The following CCNJL variants were observed in gnomAD, a reference collection of about 807,000 sequenced individuals.
CCNJL encodes the protein cyclin-J-like protein.
CCNJL carries 33 observed loss-of-function variants against 33.4 expected under a neutral mutation model. The observed-to-expected ratio is 0.99, with a 90% CI of 0.75 to 1.32. The LOEUF (loss-of-function observed/expected upper bound fraction) is 1.32. Among genes scored for constraint, CCNJL ranks in the 40% most tolerant of loss-of-function variants. The probability of loss-of-function intolerance (pLI) is 0.00; values close to 1 mark genes in which losing one functional copy is unlikely to be tolerated. For missense variants in CCNJL, 512 were observed against 499.7 expected (o/e 1.02, Z -0.23); for synonymous variants, 227 against 220.9 (o/e 1.03, Z -0.24).
intron 1 of CCNJL, among the ~76,000 whole-genome samples, chr5:160,333,741 C>T (rs192310270): frequency 8.3e-4 from 127 of 152,242 alleles, no homozygotes; most frequent in African/African-American, 3.0e-3. Flanking sequence ...CCCATCACCA[C>T]ACCCAAGCCA....
At chr5:160,258,554 A>T in intron 4 of CCNJL, 1 of 1,517,872 alleles carries the variant, frequency 6.6e-7, no homozygotes, top group Non-Finnish European at 9.1e-7. Flanking sequence ...GTTATTCGGG[A>T]AAGAAAAGAA....
At chr5:160,278,751 C>G (rs77708380) in intron 3 of CCNJL, among the ~76,000 whole-genome samples, 3,075 of 152,324 alleles carry the variant, frequency 0.02, 46 homozygotes, top group Non-Finnish European at 0.029. Flanking sequence ...CCCCTGCCCC[C>G]AGCGGGCCGC....
rs992009396 is a variant in CCNJL at position 160,249,970 on chromosome 5, G to T, written c.*3408C>A. The T allele has an allele frequency of 2.0e-5, 3 of 152,066 alleles. No individual in the cohort carries two copies. The highest frequency in any genetic ancestry group is 2.9e-5 in the Non-Finnish European group (2 of 68,006). 9.4% of individuals were successfully genotyped at this position (152,066 alleles called of 1,614,324 possible). A position where few individuals can be genotyped will look rare whatever the true frequency, so the allele number is the denominator to read the frequency against. On this transcript the variant is annotated 3_prime_UTR_variant, in exon 6 of 6. Coordinates refer to ENST00000257536, the MANE Select transcript of CCNJL (RefSeq NM_001308173.3). ...AGAGAAGGCTCCAGGTCATTCTGCA[G>T]CTTGCTCAGGCTTGAAAACCTCTGA...
At position 160,312,393 on chromosome 5, in the gene CCNJL, G is replaced by C. The variant is rs1763298261; in HGVS notation, c.-79C>G. 1 of 159,304 alleles carries C rather than the reference G, an allele frequency of 6.3e-6. No homozygotes were observed. Among genetic ancestry groups the C allele is most frequent in the Non-Finnish European group, 1.4e-5 (1 of 72,654 alleles). The allele number at this position is 159,304 out of a possible 1,614,324, so 9.9% of individuals were successfully genotyped here. On this transcript the variant is annotated 5_prime_UTR_variant, in exon 1 of 6. Transcript: ENST00000257536. ...CCTCTCTGGGCGTGGGGGGCTGCGAGCGCCGGGCCCCTCCCAGTGCCGAGC... is the reference window on the plus strand; with the variant it reads ...CCTCTCTGGGCGTGGGGGGCTGCGACCGCCGGGCCCCTCCCAGTGCCGAGC...
intron 3 of CCNJL, 92 bp downstream of exon 3, chr5:160,280,433 T>C: frequency 9.8e-7 from 1 of 1,019,844 alleles, no homozygotes; most frequent in Non-Finnish European, 1.5e-6. Flanking sequence ...CGTGCAAAGA[T>C]CGTCAAAATG....
intron 2 of CCNJL, among the ~76,000 whole-genome samples, chr5:160,293,543 C>T (rs1762653384): frequency 6.6e-6 from 1 of 152,206 alleles, no homozygotes; most frequent in African/African-American, 2.4e-5. Context: ...CACGTAAATA[C>T]TCGGAGAATG....
At chr5:160,338,171 T>G (rs879724055) in intron 1 of CCNJL, among the ~76,000 whole-genome samples, 1 of 152,130 alleles carries the variant, frequency 6.6e-6, no homozygotes, top group Non-Finnish European at 1.5e-5. Context: ...CCAAGGCGGG[T>G]GGGTCATTTG....
chr5:160,303,692 C>CTGTGTGTGTG (rs1292597058), intron 2 of CCNJL, among the ~76,000 whole-genome samples: 2 of 95,814 alleles, frequency 2.1e-5, no homozygotes, highest in Admixed American at 2.6e-4. Context: ...AACAAATCCT[C>CTGTGTGTGTG]TGTGTGTCTG....
intron 5 of CCNJL, chr5:160,254,157 G>A: frequency 2.1e-6 from 1 of 475,650 alleles, no homozygotes; most frequent in Non-Finnish European, 3.7e-6. Context: ...GCGCCTGCTT[G>A]TGCTCACCAA....
chr5:160,321,054 CTT>C (rs1186637750), intron 1 of CCNJL, among the ~76,000 whole-genome samples: 4 of 118,826 alleles, frequency 3.4e-5, no homozygotes, highest in African/African-American at 1.7e-4. Flanking sequence ...TTCTTTCTTT[CTT>C]TCTTTCTTTC....
rs1395349577 is a variant in CCNJL, at chr5:160,250,547, G to A, written c.*2831C>T. The A allele has an allele frequency of 6.6e-6, 1 of 152,274 alleles. No homozygotes were observed. Among genetic ancestry groups the A allele is most frequent in the African/African-American group, 2.4e-5 (1 of 41,466 alleles). 9.4% of individuals were successfully genotyped at this position (152,274 alleles called of 1,614,324 possible). ...ACAGTGACACCGGCTCTCTGGGGTGGTTCTCCTGCTGGAAGCTGGGTAGGT... is the reference window on the plus strand; with the variant it reads ...ACAGTGACACCGGCTCTCTGGGGTGATTCTCCTGCTGGAAGCTGGGTAGGT... On this transcript the variant is annotated 3_prime_UTR_variant, in exon 6 of 6. Coordinates refer to ENST00000257536, the MANE Select transcript of CCNJL (RefSeq NM_001308173.3).
intron 3 of CCNJL, among the ~76,000 whole-genome samples, chr5:160,270,206 G>A (rs1420695802): frequency 6.6e-6 from 1 of 152,134 alleles, no homozygotes; most frequent in Admixed American, 6.5e-5. Context: ...CACTTTGGGA[G>A]GCCGGGGCGG....
intron 3 of CCNJL, among the ~76,000 whole-genome samples, chr5:160,267,294 C>T (rs1761637149): frequency 6.6e-6 from 1 of 152,094 alleles, no homozygotes; most frequent in African/African-American, 2.4e-5. Flanking sequence ...CTGGCAACGA[C>T]CCTGGGAGGT....
intron 2 of CCNJL, among the ~76,000 whole-genome samples, chr5:160,311,596 G>A (rs889890116): frequency 2.0e-5 from 3 of 152,138 alleles, no homozygotes; most frequent in Non-Finnish European, 2.9e-5. Flanking sequence ...CACTGCCTTA[G>A]AGGTACAGTG....
At chr5:160,260,268 C>T (rs1761262385) in intron 3 of CCNJL, among the ~76,000 whole-genome samples, 1 of 152,200 alleles carries the variant, frequency 6.6e-6, no homozygotes, top group East Asian at 1.9e-4. Context: ...TCTTCAATGG[C>T]TTCCCGCTAT....
In CCNJL at chr5:160,254,291, C is replaced by G. The variant is rs138477859; in HGVS notation, c.744-493G>C. ...TCACTCCTTAGCTAGCTGATATCAA[C>G]CAAATTGACCGCTGGGGCCTAGGAT... is the stretch of plus-strand genomic sequence containing the variant. On this transcript the variant is annotated intron_variant, in intron 5 of 5. Coordinates refer to ENST00000257536, the MANE Select transcript of CCNJL (RefSeq NM_001308173.3). 3.3e-3 allele frequency: 2,164 copies of G among 659,152 alleles called. 3 individuals are homozygous for G. The highest frequency in any genetic ancestry group is 4.6e-3 in the Non-Finnish European group (1,686 of 367,654). The allele number at this position is 659,152 out of a possible 1,614,324, so 40.8% of individuals were successfully genotyped here. A position where few individuals can be genotyped will look rare whatever the true frequency, so the allele number is the denominator to read the frequency against.
At position 160,253,451 on chromosome 5, in the gene CCNJL, C is replaced by T; in HGVS notation, c.1091G>A (p.Cys364Tyr). The T allele has an allele frequency of 6.2e-7, 1 of 1,612,234 alleles. No homozygotes were observed. Among genetic ancestry groups the T allele is most frequent in the Middle Eastern group, 1.7e-4 (1 of 6,046 alleles). ...HMAIAAEPRH[C>Y]LATTYGSSYF... ...GCTGCTTCCATAGGTGGTGGCGAGG[C>T]AGTGCCTGGGCTCAGCTGCAATGGC... Residue 364 changes from cysteine (C) to tyrosine (Y), a missense_variant, in exon 6 of 6, where the codon TGC becomes TAC. By Grantham distance (194) the Cys-to-Tyr change is radical. Transcript: ENST00000257536.
intron 3 of CCNJL, among the ~76,000 whole-genome samples, chr5:160,267,974 T>C (rs558463913): frequency 6.6e-6 from 1 of 152,330 alleles, no homozygotes; most frequent in South Asian, 2.1e-4. Flanking sequence ...AGTTTTTTCT[T>C]CCAATGATAG....
chr5:160,258,229 T>A, intron 4 of CCNJL: 8 of 613,136 alleles, frequency 1.3e-5, no homozygotes, highest in African/African-American at 1.8e-5. Flanking sequence ...TTTTTTTTTT[T>A]AAGACCGAGT....
Sources: gnomAD v4.1 joint callset for allele counts (sites outside exome capture counted in the v4.1 genomes callset) on GRCh38, gnomAD v4.1.1 for gene constraint, MANE v1.5 for transcripts, NCBI Gene and HGNC (gene_info 2026-07-23, HGNC 2026-07-21) for gene names.